The following ARMH1 variants were observed in gnomAD, a reference collection of about 807,000 sequenced individuals.
ARMH1 encodes armadillo like helical domain containing 1, also known as armadillo-like helical domain containing protein 1.
A neutral mutation model predicts 50.2 loss-of-function variants in ARMH1; 34 were observed. The ratio of observed to expected loss-of-function variants is 0.68; its 90% CI spans 0.51 to 0.90. The LOEUF is 0.90. ARMH1 is among the 40% of genes least tolerant of loss of function. The probability of loss-of-function intolerance (pLI) is 0.00; values close to 1 mark genes in which losing one functional copy is unlikely to be tolerated. For missense variants in ARMH1, 538 were observed against 553.9 expected, an observed-to-expected ratio of 0.97 and a Z score of 0.29; for synonymous variants, 221 against 224.2, an observed-to-expected ratio of 0.99 and a Z score of 0.13.
At position 44,698,228 on chromosome 1, in the gene ARMH1, T is replaced by C. The variant is rs771284782; in HGVS notation, c.441T>C (p.Tyr147=). The C allele has an allele frequency of 2.3e-5, 35 of 1,551,280 alleles. No homozygotes were observed. The highest frequency in any genetic ancestry group is 1.7e-4 in the Middle Eastern group (1 of 5,990). Residue 147 remains tyrosine (Y), a splice_region_variant and synonymous_variant, in exon 4 of 12, where the codon TAT becomes TAC. Coordinates refer to ENST00000535358, the MANE Select transcript of ARMH1 (RefSeq NM_001145636.2). ...RTYKELICES[Y]GVRSIAEFLA... Reference sequence around the variant, plus strand: ...ACAAGGAACTCATTTGTGAAAGCTATGGTGGGTACTGTGTGTGACAAGATG... The same window carrying C: ...ACAAGGAACTCATTTGTGAAAGCTACGGTGGGTACTGTGTGTGACAAGATG...
At position 44,682,942 on chromosome 1, in the gene ARMH1, A is replaced by G. The variant is rs1645359356; in HGVS notation, c.-22-6734A>G. Among the ~76,000 whole-genome samples the G allele has an allele frequency of 6.6e-6, 1 of 152,124 alleles. No homozygotes were observed. ...GTGACAGAGCAAGGCCCTGTCTCAA[A>G]AATAAAAATAAAAATAAAAAATCTC... On this transcript the variant is annotated intron_variant, in intron 1 of 11. Transcript: ENST00000535358. This position sits in a 1 kb window ranked among gnomAD's most constrained non-coding sequence, Gnocchi z 4.5.
chr1:44,724,455 CG>C lies in ARMH1; in HGVS notation c.920+66del, dbSNP rs1647927712. ...CTGGCTTGGCGCTGCCGGCGGGCCC[CG>C]GGAGCGCTCCGTGCGCCGGGTGGGC... On this transcript the variant is annotated intron_variant, in intron 8 of 11. Transcript: ENST00000535358. The surrounding 1 kb of genome is among the most constrained non-coding windows in gnomAD (Gnocchi z 6.4). 5 of 1,527,562 alleles carry C rather than the reference CG, an allele frequency of 3.3e-6. 1 individual carries two copies. In the South Asian group the frequency reaches 4.9e-5, roughly 15 times the overall value. 94.6% of individuals were successfully genotyped at this position (1,527,562 alleles called of 1,614,324 possible). A position where few individuals can be genotyped will look rare whatever the true frequency, so the allele number is the denominator to read the frequency against.
chr1:44,721,847 G>C (rs182294945), intron 6 of ARMH1: 1 of 152,112 alleles, frequency 6.6e-6, no homozygotes, highest in Non-Finnish European at 1.5e-5. Flanking sequence ...TTTTCTCCAC[G>C]GAAATCTTTA....
At chr1:44,695,495 G>A (rs943098345) in intron 2 of ARMH1, among the ~76,000 whole-genome samples, 2 of 152,264 alleles carry the variant, frequency 1.3e-5, no homozygotes, top group Non-Finnish European at 1.5e-5. Flanking sequence ...GAGTGACTAT[G>A]AAAACAAGAC....
At chr1:44,718,968 T>G (rs1646965056) in intron 6 of ARMH1, among the ~76,000 whole-genome samples, 1 of 136,468 alleles carries the variant, frequency 7.3e-6, no homozygotes, top group Non-Finnish European at 1.5e-5. Flanking sequence ...GAGGTTGCAG[T>G]GAGCTAAGAT....
intron 4 of ARMH1, among the ~76,000 whole-genome samples, chr1:44,699,209 G>A (rs891193911): frequency 2.5e-4 from 38 of 151,116 alleles, no homozygotes; most frequent in African/African-American, 3.9e-4. Flanking sequence ...GCTTGAACCC[G>A]GGAGGTGGAC....
rs1557576386 is a variant in ARMH1, at chr1:44,724,802, G to GC, written c.1092dup (p.Lys365GlnfsTer16). 1 of 1,543,440 alleles carries GC rather than the reference G, an allele frequency of 6.5e-7. No homozygotes were observed. Among genetic ancestry groups the GC allele is most frequent in the Non-Finnish European group, 8.7e-7 (1 of 1,146,722 alleles). Reference sequence around the variant, plus strand: ...TTCCCCTTGGTGGCGGAGCACGTGCGCAAGTGCATGGGGGAGGAACTCTAC... The same window carrying GC: ...TTCCCCTTGGTGGCGGAGCACGTGCGCCAAGTGCATGGGGGAGGAACTCTAC... On this transcript the variant is annotated frameshift_variant, in exon 10 of 12. Coordinates refer to ENST00000535358, the MANE Select transcript of ARMH1 (RefSeq NM_001145636.2). LOFTEE classifies it high-confidence loss of function. The surrounding 1 kb of genome is among the most constrained non-coding windows in gnomAD (Gnocchi z 6.4).
intron 6 of ARMH1, chr1:44,721,884 T>G (rs573651694): frequency 6.6e-6 from 1 of 152,234 alleles, no homozygotes; most frequent in Non-Finnish European, 1.5e-5. Flanking sequence ...TTATTCGTTA[T>G]GAAGAGAAAC....
Position 44,724,519 on chromosome 1 carries a change from A to T in ARMH1, c.921-20A>T. 2 of 1,505,290 alleles carry T rather than the reference A, an allele frequency of 1.3e-6. No homozygotes were observed. Among genetic ancestry groups the T allele is most frequent in the Non-Finnish European group, 1.8e-6 (2 of 1,130,848 alleles). The allele number at this position is 1,505,290 out of a possible 1,614,324, so 93.2% of individuals were successfully genotyped here. A position where few individuals can be genotyped will look rare whatever the true frequency, so the allele number is the denominator to read the frequency against. ...CGGGTGAGCCCCAGGGCGTCGCCCC[A>T]GCCCGAACCCCCGGCCCAGGGTCCT... On this transcript the variant is annotated intron_variant, in intron 8 of 11. Transcript: ENST00000535358. This position sits in a 1 kb window ranked among gnomAD's most constrained non-coding sequence, Gnocchi z 6.4.
intron 6 of ARMH1, among the ~76,000 whole-genome samples, chr1:44,711,833 T>A (rs1432350605): frequency 6.6e-6 from 1 of 152,204 alleles, no homozygotes; most frequent in Non-Finnish European, 1.5e-5. Context: ...CCAGCATTGT[T>A]CTAAGCTCTT....
Position 44,724,652 on chromosome 1 carries a change from C to G in ARMH1, c.1034C>G (p.Ala345Gly). Residue 345 changes from alanine (A) to glycine (G), a missense_variant, in exon 9 of 12, where the codon GCC (alanine) becomes GGC (glycine). By Grantham distance (60) the Ala-to-Gly change is moderately conservative (BLOSUM62 0). Transcript: ENST00000535358. The surrounding 1 kb of genome is among the most constrained non-coding windows in gnomAD (Gnocchi z 6.4). ...GACCACAGCAACAGCCAGCGGCTGG[C>G]CAGCCTCACGCTGGAGGTGCGCGCG... ...NTDHSNSQRLASLTLECFVQM... is the reference protein window; with the variant it reads ...NTDHSNSQRLGSLTLECFVQM... 3 of 1,500,078 alleles carry G rather than the reference C, an allele frequency of 2.0e-6. No homozygotes were observed. The highest frequency in any genetic ancestry group is 2.5e-5 in the South Asian group (2 of 80,190). The allele number at this position is 1,500,078 out of a possible 1,614,324, so 92.9% of individuals were successfully genotyped here.
intron 1 of ARMH1, among the ~76,000 whole-genome samples, chr1:44,686,048 A>G (rs1352847139): frequency 6.6e-6 from 1 of 152,212 alleles, no homozygotes; most frequent in African/African-American, 2.4e-5. Context: ...AAGATGTGAG[A>G]GACAGGAAAT....
Position 44,718,259 on chromosome 1 carries a change from G to T in ARMH1, c.725-5863G>T, listed in dbSNP as rs1182931388. Among the ~76,000 whole-genome samples the T allele has an allele frequency of 3.3e-5, 5 of 152,162 alleles. No homozygotes were observed. In the South Asian group the frequency reaches 1.0e-3, roughly 31 times the overall value. Reference sequence around the variant, plus strand: ...TTTGCCCAGGATGTCCTGGCATTACGCACTGCCAGCTTGTGCCTGGGAAGA... The same window carrying T: ...TTTGCCCAGGATGTCCTGGCATTACTCACTGCCAGCTTGTGCCTGGGAAGA... On this transcript the variant is annotated intron_variant, in intron 6 of 11. Coordinates refer to ENST00000535358, the MANE Select transcript of ARMH1 (RefSeq NM_001145636.2).
At chr1:44,696,601 ATTATTC>A (rs1299078161) in intron 2 of ARMH1, among the ~76,000 whole-genome samples, 5 of 152,346 alleles carry the variant, frequency 3.3e-5, no homozygotes, top group Admixed American at 2.6e-4. Flanking sequence ...ACCATCTCCT[ATTATTC>A]TTATTAGGAA....
chr1:44,690,011 A>G (rs1242781571), intron 2 of ARMH1, 108 bp downstream of exon 2: 3 of 924,800 alleles, frequency 3.2e-6, no homozygotes, highest in Non-Finnish European at 1.6e-6. Context: ...CAAGGTCAGG[A>G]GTTCGAGACC....
At chr1:44,701,223 C>A in intron 5 of ARMH1, 104 bp downstream of exon 5, 1 of 1,112,522 alleles carries the variant, frequency 9.0e-7, no homozygotes, top group Non-Finnish European at 1.3e-6. Flanking sequence ...CGGAGCTCAG[C>A]CTCCCACTGC....
At chr1:44,689,189 A>C (rs1479827397) in intron 1 of ARMH1, 1 of 156,212 alleles carries the variant, frequency 6.4e-6, no homozygotes, top group Non-Finnish European at 1.4e-5. Flanking sequence ...CAGCCTCCCA[A>C]GAGCTGGGAT....
intron 2 of ARMH1, among the ~76,000 whole-genome samples, chr1:44,691,411 G>GC (rs1351244414): frequency 6.6e-6 from 1 of 151,992 alleles, no homozygotes; most frequent in Admixed American, 6.6e-5. Context: ...TTTTCCAGTT[G>GC]CAAAACCCAG....
chr1:44,704,103 C>T lies in ARMH1; in HGVS notation c.654C>T (p.Thr218=), dbSNP rs772552758. The change falls in exon 6 of 12, where the codon ACC becomes ACT. Residue 218 remains threonine (T), a synonymous_variant. Coordinates refer to ENST00000535358, the MANE Select transcript of ARMH1 (RefSeq NM_001145636.2). ...TLRTAQPIIG[T]THPSIVDCVL... The stretch of plus-strand genomic sequence containing the variant: ...TGTCTGGTCAGCCAATCATTGGGAC[C>T]ACACACCCCAGCATCGTGGACTGCG... 271 of 1,550,834 alleles carry T rather than the reference C, an allele frequency of 1.7e-4. 2 individuals are homozygous for T. The South Asian group carries it at 2.7e-3, about 15-fold the overall frequency.
Sources: gnomAD v4.1 joint callset for allele counts (sites outside exome capture counted in the v4.1 genomes callset) on GRCh38, gnomAD v4.1.1 for gene constraint, Gnocchi (gnomAD v3.1) non-coding constraint, MANE v1.5 for transcripts, NCBI Gene and HGNC (gene_info 2026-07-23, HGNC 2026-07-21) for gene names.